RPL26L1: variants seen among roughly 807,000 people sequenced by gnomAD.
The protein encoded by RPL26L1 is ribosomal protein L26 like 1, also known as ribosomal protein uL24-like.
In RPL26L1, 8 loss-of-function variants were observed where a neutral mutation model predicts 15.2. That is an observed-to-expected ratio of 0.53 (90% CI 0.31 to 0.95). The LOEUF is 0.95. RPL26L1 is among the 40% of genes least tolerant of loss of function. RPL26L1 has a pLI of 0.05. For synonymous variants in RPL26L1, 51 were observed against 65.9 expected (o/e 0.77, Z 1.09); for missense variants, 146 against 190.9 (o/e 0.76, Z 1.39).
intron 2 of RPL26L1, among the ~76,000 whole-genome samples, chr5:172,964,582 G>A (rs1348097281): frequency 2.6e-5 from 4 of 152,116 alleles, no homozygotes; most frequent in Non-Finnish European, 5.9e-5. Flanking sequence ...CACCACGCCC[G>A]GCTGCCTGTT....
At chr5:172,968,131 C>T (rs562894961) in intron 2 of RPL26L1, among the ~76,000 whole-genome samples, 1 of 152,098 alleles carries the variant, frequency 6.6e-6, no homozygotes, top group South Asian at 2.1e-4. Context: ...ATCCAAAACA[C>T]TTCTGGTCTC....
At chr5:172,962,531 A>C (rs1292694922) in intron 2 of RPL26L1, among the ~76,000 whole-genome samples, 5 of 144,574 alleles carry the variant, frequency 3.5e-5, no homozygotes, top group Non-Finnish European at 7.6e-5. Context: ...ACAACAACAA[A>C]AAACGGCCAG....
intron 2 of RPL26L1, 83 bp from the exon 3 acceptor site, chr5:172,968,375 GC>G: frequency 6.5e-7 from 1 of 1,529,434 alleles, no homozygotes; most frequent in South Asian, 1.2e-5. Flanking sequence ...TATATGTTTA[GC>G]CCATGTGTTC....
intron 2 of RPL26L1, among the ~76,000 whole-genome samples, chr5:172,962,489 C>T (rs544119951): frequency 1.2e-4 from 18 of 151,682 alleles, no homozygotes; most frequent in Non-Finnish European, 2.5e-4. Flanking sequence ...GCCTGGGTGA[C>T]AGAGTGAGAC....
rs779289794 is a variant in RPL26L1, at chr5:172,969,458, C to G, written c.355C>G (p.Leu119Val). ...ACTGGACAAGGATCGGAAAAAAATT[C>G]TTGAACGCAAAGCCAAGTCTCGACA... Reference protein sequence around the residue: ...LKLDKDRKKILERKAKSRQVG... With the variant: ...LKLDKDRKKIVERKAKSRQVG... The change falls in exon 4 of 4, where the codon CTT (leucine) becomes GTT (valine). Residue 119 changes from leucine (L) to valine (V), a missense_variant. Coordinates refer to ENST00000265100, the MANE Select transcript of RPL26L1 (RefSeq NM_016093.4). The G allele has an allele frequency of 6.8e-6, 11 of 1,613,724 alleles. No homozygotes were observed. The highest frequency in any genetic ancestry group is 2.2e-5 in the South Asian group (2 of 91,076).
intron 2 of RPL26L1, among the ~76,000 whole-genome samples, 189 bp from the exon 3 acceptor site, chr5:172,968,270 G>A (rs1365410977): frequency 6.6e-6 from 1 of 151,858 alleles, no homozygotes; most frequent in Non-Finnish European, 1.5e-5. Flanking sequence ...TGGGATCCAG[G>A]TAAAAAATCT....
In RPL26L1 at chr5:172,960,025, A is replaced by G. The variant is rs1313981807; in HGVS notation, c.152A>G (p.Lys51Arg). Residue 51 changes from lysine to arginine, a missense_variant, in exon 2 of 4, where the codon AAG becomes AGG. Lys to Arg is a conservative substitution (Grantham distance 26). Coordinates refer to ENST00000265100, the MANE Select transcript of RPL26L1 (RefSeq NM_016093.4). ...KYNVRSMPIRKDDEVQVVRGH... is the reference protein window; with the variant it reads ...KYNVRSMPIRRDDEVQVVRGH... ...AATGTCCGCTCCATGCCCATCCGCA[A>G]GGACGACGAGGTCCAGGTACGTCTC... 3.7e-6 allele frequency: 6 copies of G among 1,614,016 alleles called. No individual in the cohort carries two copies. The East Asian group carries it at 1.1e-4, about 30-fold the overall frequency.
chr5:172,964,596 A>G (rs1755379377), intron 2 of RPL26L1, among the ~76,000 whole-genome samples: 1 of 152,052 alleles, frequency 6.6e-6, no homozygotes, highest in South Asian at 2.1e-4. Context: ...GCCTGTTGCC[A>G]TTTTTTGAAT....
At chr5:172,967,900 TATAA>T (rs1236646996) in intron 2 of RPL26L1, among the ~76,000 whole-genome samples, 1 of 150,246 alleles carries the variant, frequency 6.7e-6, no homozygotes, top group African/African-American at 2.4e-5. Flanking sequence ...ATATATGACA[TATAA>T]ATACATATAC....
chr5:172,958,116 T>C, upstream of RPL26L1: 1 of 307,434 alleles, frequency 3.3e-6, no homozygotes, highest in South Asian at 2.6e-5. Flanking sequence ...AATACAAAAT[T>C]AGCCGGGCGT....
At chr5:172,956,233 T>TTTTGAACATTTAATGATCA, upstream of RPL26L1, among the ~76,000 whole-genome samples, 1 of 152,336 alleles carries the variant, frequency 6.6e-6, no homozygotes, top group East Asian at 1.9e-4. Flanking sequence ...AATGATAACA[T>TTTTGAACATTTAATGATCA]TTTAGTGATG....
At chr5:172,969,169 C>T (rs956498293) in intron 3 of RPL26L1, among the ~76,000 whole-genome samples, 1 of 152,110 alleles carries the variant, frequency 6.6e-6, no homozygotes, top group African/African-American at 2.4e-5. Flanking sequence ...ACTTCCCCTA[C>T]CACATAATAT....
intron 2 of RPL26L1, among the ~76,000 whole-genome samples, chr5:172,963,574 CCTT>C (rs1289918555): frequency 6.6e-6 from 1 of 152,102 alleles, no homozygotes. Context: ...TTCCTTCTCT[CCTT>C]TACATAGGTA....
At chr5:172,958,236 C>T (rs1007546503), upstream of RPL26L1, 2 of 393,852 alleles carry the variant, frequency 5.1e-6, no homozygotes, top group African/African-American at 4.3e-5. Flanking sequence ...TGCACTGCAG[C>T]CCAGGGAACA....
chr5:172,965,510 A>G (rs1176288701), intron 2 of RPL26L1, among the ~76,000 whole-genome samples: 1 of 151,994 alleles, frequency 6.6e-6, no homozygotes, highest in African/African-American at 2.4e-5. Flanking sequence ...TCATCACTTT[A>G]CTGTTAATGG....
upstream of RPL26L1, among the ~76,000 whole-genome samples, chr5:172,954,464 G>T (rs1764307075): frequency 6.6e-6 from 1 of 151,134 alleles, no homozygotes; most frequent in South Asian, 2.1e-4. Context: ...CTGGGAGGCT[G>T]CGGTGGGGGC....
chr5:172,959,600 A>G (rs1180213366), intron 1 of RPL26L1, 132 bp downstream of exon 1: 2 of 1,238,864 alleles, frequency 1.6e-6, no homozygotes. Context: ...TTCCTGCCTA[A>G]CCCTAGCATT....
At chr5:172,959,556 C>G in intron 1 of RPL26L1, 88 bp downstream of exon 1, 1 of 1,171,692 alleles carries the variant, frequency 8.5e-7, no homozygotes, top group East Asian at 5.4e-5. Flanking sequence ...CATGTCACCC[C>G]ACAGCTCTCT....
chr5:172,963,115 C>A (rs1445989976), intron 2 of RPL26L1, among the ~76,000 whole-genome samples: 3 of 152,052 alleles, frequency 2.0e-5, no homozygotes, highest in African/African-American at 7.2e-5. Flanking sequence ...CGGTGGCTCA[C>A]GCCTGTAATC....
Sources: allele counts gnomAD v4.1 joint callset (sites outside exome capture counted in the v4.1 genomes callset), GRCh38; gene constraint gnomAD v4.1.1; transcripts MANE v1.5; gene names NCBI Gene and HGNC (gene_info 2026-07-23, HGNC 2026-07-21).